GALNT2: variants seen among roughly 807,000 people sequenced by gnomAD.
GALNT2 encodes the protein UDP-GalNAc:polypeptide N-acetylgalactosaminyltransferase 2.
In GALNT2, 31 loss-of-function variants were observed where a neutral mutation model predicts 81.4. The ratio of observed to expected loss-of-function variants is 0.38; its 90% confidence interval spans 0.29 to 0.51. GALNT2 has a LOEUF of 0.51. GALNT2 is among the 20% of genes least tolerant of loss of function. The probability of loss-of-function intolerance (pLI) is 0.87; values close to 1 mark genes in which losing one functional copy is unlikely to be tolerated. For synonymous variants in GALNT2, 303 were observed against 287.4 expected (o/e 1.05, Z -0.55); for missense variants, 629 against 765.7 (o/e 0.82, Z 2.11).
chr1:230,177,650 C>G (rs1402824130), intron 1 of GALNT2, among the ~76,000 whole-genome samples: 1 of 152,204 alleles, frequency 6.6e-6, no homozygotes, highest in Non-Finnish European at 1.5e-5. Context: ...ATATGTATCT[C>G]TGTTTCATTG....
Position 230,281,750 on chromosome 1 carries a change from C to CG in GALNT2, c.*2294dup, listed in dbSNP as rs1558178161. On this transcript the variant is annotated 3_prime_UTR_variant, in exon 16 of 16. Transcript: ENST00000366672. ...GGGTGGGCCGGGGAGGGGTCCTTTG[C>CG]GGTGAGCTATGTTTACATGACACAG... 1 of 152,554 alleles carries CG rather than the reference C, an allele frequency of 6.6e-6. No homozygotes were observed. The highest frequency in any genetic ancestry group is 2.4e-5 in the African/African-American group (1 of 41,420). The allele number at this position is 152,554 out of a possible 1,614,324, so 9.5% of individuals were successfully genotyped here. A position where few individuals can be genotyped will look rare whatever the true frequency, so the allele number is the denominator to read the frequency against.
chr1:230,188,757 T>G (rs1327943198), intron 2 of GALNT2, among the ~76,000 whole-genome samples: 1 of 152,212 alleles, frequency 6.6e-6, no homozygotes, highest in African/African-American at 2.4e-5. Context: ...TTGGAACCAC[T>G]GAATTTTTTT....
intron 3 of GALNT2, among the ~76,000 whole-genome samples, chr1:230,235,012 G>T (rs535626311): frequency 6.6e-6 from 1 of 151,788 alleles, no homozygotes; most frequent in Non-Finnish European, 1.5e-5. Flanking sequence ...CCAGGATTTC[G>T]AGACCAGCCT....
intron 3 of GALNT2, among the ~76,000 whole-genome samples, chr1:230,219,832 A>T (rs957438835): frequency 6.6e-6 from 1 of 152,160 alleles, no homozygotes; most frequent in Non-Finnish European, 1.5e-5. Context: ...TCTTCCAAAG[A>T]ACTGCTTCTG....
At chr1:230,138,349 A>G (rs1459043129) in intron 1 of GALNT2, among the ~76,000 whole-genome samples, 2 of 151,968 alleles carry the variant, frequency 1.3e-5, no homozygotes, top group Non-Finnish European at 2.9e-5. Context: ...ACATGGTGAA[A>G]CCCCATCTCT....
intron 1 of GALNT2, among the ~76,000 whole-genome samples, chr1:230,082,831 G>A (rs967723773): frequency 3.9e-5 from 6 of 152,180 alleles, no homozygotes; most frequent in African/African-American, 1.4e-4. Flanking sequence ...GCAGGATAAG[G>A]ACAGCTGTGG....
chr1:230,090,927 A>G (rs577907476), intron 1 of GALNT2, among the ~76,000 whole-genome samples: 5 of 152,258 alleles, frequency 3.3e-5, no homozygotes, highest in Admixed American at 1.3e-4. Flanking sequence ...GGAGTTATCA[A>G]TGGGGGATTG....
chr1:230,221,844 G>C (rs1476284938), intron 3 of GALNT2, among the ~76,000 whole-genome samples: 2 of 151,572 alleles, frequency 1.3e-5, no homozygotes, highest in African/African-American at 4.9e-5. Flanking sequence ...ATTTCCCTTG[G>C]ATTTTCAAAT....
chr1:230,060,612 TCTC>T (rs1052626409), intron 1 of GALNT2, among the ~76,000 whole-genome samples: 1 of 151,206 alleles, frequency 6.6e-6, no homozygotes, highest in African/African-American at 2.4e-5. Flanking sequence ...ACCTTGTAAA[TCTC>T]CTCCTTTTCA....
intron 14 of GALNT2, among the ~76,000 whole-genome samples, chr1:230,269,594 T>TGATTCTAAATGAG (rs1388499189): frequency 1.3e-5 from 2 of 152,046 alleles, no homozygotes; most frequent in African/African-American, 4.8e-5. Context: ...AGCTAACAAG[T>TGATTCTAAATGAG]GATTCTAAAT....
intron 3 of GALNT2, among the ~76,000 whole-genome samples, chr1:230,227,619 C>A (rs1480662363): frequency 2.0e-5 from 3 of 150,908 alleles, no homozygotes; most frequent in Non-Finnish European, 4.4e-5. Context: ...GATTGAATAT[C>A]AGAAAATAAT....
chr1:230,156,240 AGAGAGT>A, intron 1 of GALNT2, among the ~76,000 whole-genome samples: 1 of 150,702 alleles, frequency 6.6e-6, no homozygotes, highest in Non-Finnish European at 1.5e-5. Flanking sequence ...AGAAAGAGAG[AGAGAGT>A]GTGTGTGTGT....
chr1:230,185,301 T>TGTGTGTGTGCGCGC (rs58770415), intron 2 of GALNT2, among the ~76,000 whole-genome samples: 9 of 126,122 alleles, frequency 7.1e-5, no homozygotes, highest in South Asian at 2.9e-4. Context: ...TGTGTGTGTG[T>TGTGTGTGTGCGCGC]GCGCGCGTGT....
In GALNT2 at chr1:230,281,014, A is replaced by C. The variant is rs13490; in HGVS notation, c.*1556A>C. On this transcript the variant is annotated 3_prime_UTR_variant, in exon 16 of 16. Coordinates refer to ENST00000366672, the MANE Select transcript of GALNT2 (RefSeq NM_004481.5). ...TCCAGCGCCGCACACACAGATGCTC[A>C]GTCTCAGAGAGGCTGGCACGGCCTG... 1.3e-5 allele frequency: 2 copies of C among 152,018 alleles called. No homozygotes were observed. Among genetic ancestry groups the C allele is most frequent in the Non-Finnish European group, 1.5e-5 (1 of 68,032 alleles). The allele number at this position is 152,018 out of a possible 1,614,324, so 9.4% of individuals were successfully genotyped here. A position where few individuals can be genotyped will look rare whatever the true frequency, so the allele number is the denominator to read the frequency against.
At chr1:230,273,998 C>G (rs774171515) in intron 14 of GALNT2, among the ~76,000 whole-genome samples, 7 of 152,214 alleles carry the variant, frequency 4.6e-5, no homozygotes, top group Non-Finnish European at 1.0e-4. Context: ...TTCATCAATG[C>G]TGTTTGCAGG....
At chr1:230,166,727 A>G (rs1229783563) in intron 1 of GALNT2, among the ~76,000 whole-genome samples, 1 of 152,168 alleles carries the variant, frequency 6.6e-6, no homozygotes. Flanking sequence ...CCTTTTCCCA[A>G]AATCCAGATC....
At chr1:230,184,988 AT>A (rs1446577290) in intron 2 of GALNT2, among the ~76,000 whole-genome samples, 2 of 151,750 alleles carry the variant, frequency 1.3e-5, no homozygotes, top group African/African-American at 2.4e-5. Flanking sequence ...AAGTTTAGAG[AT>A]TTTTTTCCTC....
chr1:230,130,912 C>G (rs1396635026), intron 1 of GALNT2, among the ~76,000 whole-genome samples: 1 of 152,128 alleles, frequency 6.6e-6, no homozygotes, highest in Non-Finnish European at 1.5e-5. Flanking sequence ...CCGTGACTGC[C>G]CTGCGTCTCA....
At chr1:230,091,230 T>G (rs996609133) in intron 1 of GALNT2, among the ~76,000 whole-genome samples, 2 of 136,406 alleles carry the variant, frequency 1.5e-5, no homozygotes, top group African/African-American at 2.8e-5. Context: ...CACCACATAC[T>G]AATTTTTTGT....
Sources: gnomAD v4.1 joint callset for allele counts (sites outside exome capture counted in the v4.1 genomes callset) on GRCh38, gnomAD v4.1.1 for gene constraint, MANE v1.5 for transcripts, NCBI Gene and HGNC (gene_info 2026-07-23, HGNC 2026-07-21) for gene names.